The following DMD variants were observed in gnomAD, a reference collection of about 807,000 sequenced individuals.
DMD encodes the protein mutant dystrophin.
Under a neutral mutation model 330.1 loss-of-function variants are expected in DMD, and 63 were observed. The observed-to-expected ratio is 0.19, with a 90% CI of 0.16 to 0.24. DMD has a LOEUF of 0.24. Among genes scored for constraint, DMD ranks in the 10% least tolerant of loss-of-function variants. DMD has a pLI of 1.00. For synonymous variants in DMD, 1,223 were observed against 959.8 expected, an observed-to-expected ratio of 1.27 and a Z score of -5.07; for missense variants, 3,344 against 2,684.1, an observed-to-expected ratio of 1.25 and a Z score of -5.43.
At chrX:33,106,213 A>G (rs2095286525) in intron 1 of DMD, among the ~76,000 whole-genome samples, 1 of 111,236 alleles carries the variant, frequency 9.0e-6, no homozygotes, top group South Asian at 3.8e-4. Flanking sequence ...GTTCTCACTT[A>G]TAATGGGAAC....
intron 62 of DMD, among the ~76,000 whole-genome samples, chrX:31,268,523 A>G (rs1017192529): frequency 2.7e-5 from 3 of 111,834 alleles, no homozygotes; most frequent in Non-Finnish European, 5.6e-5. Flanking sequence ...TTGTGGAGGC[A>G]GCTGCTATTA....
chrX:32,728,502 C>A (rs1294284922), intron 7 of DMD, among the ~76,000 whole-genome samples: 3 of 111,638 alleles, frequency 2.7e-5, no homozygotes, highest in Non-Finnish European at 5.7e-5. Context: ...TCCATGGCTG[C>A]TTTTTATACG....
Position 32,126,383 on chromosome X carries a change from A to T in DMD, c.6438+90533T>A, listed in dbSNP as rs149364807. On this transcript the variant is annotated intron_variant, in intron 44 of 78. Coordinates refer to ENST00000357033, the MANE Select transcript of DMD (RefSeq NM_004006.3). ...CCATCGGTATCCACTTAATAGATGT[A>T]AACAGCTATTTTCACGACACAAACA... Among the ~76,000 whole-genome samples the T allele has an allele frequency of 2.2e-3, 242 of 112,086 alleles. 1 individual carries two copies. Among genetic ancestry groups the T allele is most frequent in the African/African-American group, 7.3e-3 (224 of 30,888 alleles).
chrX:32,801,732 G>C (rs1468375820), intron 7 of DMD, among the ~76,000 whole-genome samples: 2 of 111,824 alleles, frequency 1.8e-5, no homozygotes. Context: ...CATATGGCTA[G>C]CCAGTTTTCC....
intron 47 of DMD, among the ~76,000 whole-genome samples, chrX:31,896,846 T>C (rs1391428940): frequency 8.9e-6 from 1 of 112,107 alleles, no homozygotes; most frequent in Admixed American, 9.5e-5. Flanking sequence ...GTTGAGTTTT[T>C]GATCTAAAAT....
intron 7 of DMD, among the ~76,000 whole-genome samples, chrX:32,707,183 A>C (rs1391396716): frequency 8.9e-6 from 1 of 112,210 alleles, no homozygotes; most frequent in African/African-American, 3.2e-5. Context: ...GCCAGGCTAT[A>C]TTTTAGACTT....
At chrX:31,333,506 T>G (rs1002124474) in intron 61 of DMD, among the ~76,000 whole-genome samples, 1 of 103,053 alleles carries the variant, frequency 9.7e-6, no homozygotes, top group African/African-American at 3.5e-5. Context: ...AGTTCAAAAC[T>G]GAATCTTCCT....
At chrX:31,747,420 C>T (rs1477183479) in intron 51 of DMD, among the ~76,000 whole-genome samples, 1 of 111,495 alleles carries the variant, frequency 9.0e-6, no homozygotes, top group Non-Finnish European at 1.9e-5. Flanking sequence ...CTGGAACTTA[C>T]AGTATGACAG....
intron 27 of DMD, among the ~76,000 whole-genome samples, chrX:32,445,448 G>A (rs776602764): frequency 1.8e-5 from 2 of 111,031 alleles, no homozygotes; most frequent in Admixed American, 9.6e-5. Context: ...GAGACTGTGA[G>A]ACCATTTATT....
At chrX:31,415,312 G>C (rs2061818817) in intron 60 of DMD, among the ~76,000 whole-genome samples, 1 of 112,481 alleles carries the variant, frequency 8.9e-6, no homozygotes, top group Non-Finnish European at 1.9e-5. Context: ...TCTGACAGTT[G>C]TCCTTTTAAT....
At chrX:31,240,498 C>G (rs761487923) in intron 63 of DMD, among the ~76,000 whole-genome samples, 2 of 111,172 alleles carry the variant, frequency 1.8e-5, no homozygotes, top group Admixed American at 9.6e-5. Flanking sequence ...TTAAATCTAT[C>G]TATCTTCTTT....
intron 55 of DMD, among the ~76,000 whole-genome samples, chrX:31,563,951 A>C (rs1393980919): frequency 9.0e-6 from 1 of 111,696 alleles, no homozygotes; most frequent in Non-Finnish European, 1.9e-5. Flanking sequence ...TAATCAACTT[A>C]AAATGAGGTC....
chrX:32,387,458 C>T (rs1438500229), intron 32 of DMD, among the ~76,000 whole-genome samples: 1 of 110,601 alleles, frequency 9.0e-6, no homozygotes, highest in Non-Finnish European at 1.9e-5. Context: ...TTTAGTATTA[C>T]CAAAAAATAA....
At chrX:32,472,461 G>A in intron 21 of DMD, 152 bp from the exon 22 acceptor site, 2 of 540,466 alleles carry the variant, frequency 3.7e-6, no homozygotes, top group Non-Finnish European at 5.9e-6. Flanking sequence ...TGATTATGAA[G>A]ATACATTCCT....
At chrX:33,225,247 A>G (rs888829536) in intron 1 of DMD, among the ~76,000 whole-genome samples, 1 of 111,979 alleles carries the variant, frequency 8.9e-6, no homozygotes, top group African/African-American at 3.2e-5. Context: ...TGGATTTAGA[A>G]TAGCTAAAAC....
intron 1 of DMD, among the ~76,000 whole-genome samples, chrX:33,187,801 T>G (rs7061395): frequency 0.23 from 25,456 of 110,828 alleles, 2,788 homozygotes; most frequent in East Asian, 0.51. Flanking sequence ...ATTTTATACA[T>G]GTGCATTACA....
intron 2 of DMD, among the ~76,000 whole-genome samples, chrX:32,972,298 C>A (rs1168125998): frequency 9.2e-6 from 1 of 109,035 alleles, no homozygotes; most frequent in Non-Finnish European, 1.9e-5. Flanking sequence ...CTACCTCAGC[C>A]TCCCAAGTAG....
chrX:32,649,414 C>T (rs761951606), intron 9 of DMD, among the ~76,000 whole-genome samples: 3 of 107,902 alleles, frequency 2.8e-5, no homozygotes, highest in African/African-American at 1.0e-4. Context: ...ATTAGCCGGG[C>T]GCGGTGGCGG....
chrX:32,978,229 T>C (rs781306559), intron 2 of DMD, among the ~76,000 whole-genome samples: 1 of 112,228 alleles, frequency 8.9e-6, no homozygotes, highest in South Asian at 3.7e-4. Context: ...TGGGCCAGTG[T>C]AGGCCCCGTG....
Sources: allele counts gnomAD v4.1 joint callset (sites outside exome capture counted in the v4.1 genomes callset), GRCh38; gene constraint gnomAD v4.1.1; transcripts MANE v1.5; gene names NCBI Gene and HGNC (gene_info 2026-07-23, HGNC 2026-07-21).